Variants in ZPLD1 observed in about 807,000 individuals in gnomAD.
ZPLD1 encodes the protein zona pellucida like domain containing 1, also known as zona pellucida-like domain-containing protein 1.
Under a neutral mutation model 47.2 loss-of-function variants are expected in ZPLD1, and 34 were observed. The ratio of observed to expected loss-of-function variants is 0.72; its 90% CI spans 0.55 to 0.96. ZPLD1 has a LOEUF of 0.96. Among genes scored for constraint, ZPLD1 ranks in the 40% least tolerant of loss-of-function variants. ZPLD1 has a pLI of 0.00. For synonymous variants in ZPLD1, 176 were observed against 186.2 expected, an observed-to-expected ratio of 0.95 and a Z score of 0.45; for missense variants, 512 against 505.8, an observed-to-expected ratio of 1.01 and a Z score of -0.12.
chr3:102,474,766 T>G (rs574487727), intron 10 of ZPLD1, among the ~76,000 whole-genome samples: 1 of 152,322 alleles, frequency 6.6e-6, no homozygotes, highest in South Asian at 2.1e-4. Flanking sequence ...GCTATCACCT[T>G]TCTCCTATAG....
At chr3:102,472,622 T>C (rs1373219469) in intron 10 of ZPLD1, among the ~76,000 whole-genome samples, 2 of 152,156 alleles carry the variant, frequency 1.3e-5, no homozygotes, top group East Asian at 1.9e-4. Context: ...TAGAATTACA[T>C]TGAATGGAAA....
At chr3:102,462,257 G>C in intron 6 of ZPLD1, 24 bp from the exon 7 acceptor site, 1 of 1,492,254 alleles carries the variant, frequency 6.7e-7, no homozygotes. Flanking sequence ...GGTAATAATA[G>C]ATTTTTTATT....
chr3:102,472,399 G>A (rs965123334), intron 10 of ZPLD1, among the ~76,000 whole-genome samples: 1 of 152,130 alleles, frequency 6.6e-6, no homozygotes, highest in Non-Finnish European at 1.5e-5. Context: ...AGGTGTGGTG[G>A]CATATGCCTG....
chr3:102,393,098 A>C (rs1576122951), intron 7 of ZPLD1, among the ~76,000 whole-genome samples: 2 of 152,170 alleles, frequency 1.3e-5, no homozygotes, highest in African/African-American at 4.8e-5. Context: ...TTTTGTATTC[A>C]TATGTAATGT....
At chr3:102,398,842 T>C (rs936612460) in intron 7 of ZPLD1, among the ~76,000 whole-genome samples, 3 of 152,146 alleles carry the variant, frequency 2.0e-5, no homozygotes, top group Non-Finnish European at 2.9e-5. Flanking sequence ...ATATTTATAC[T>C]GCTGCTACTT....
chr3:102,434,249 A>G (rs1386856018), upstream of ZPLD1, among the ~76,000 whole-genome samples: 2 of 152,226 alleles, frequency 1.3e-5, no homozygotes, highest in Non-Finnish European at 2.9e-5. Flanking sequence ...AACAAAGATT[A>G]TTTTATATTA....
chr3:102,477,712 A>G lies in ZPLD1; in HGVS notation c.*94A>G, dbSNP rs1209863770. ...CCGTCTGAATTTCATGTCAGTCCAC[A>G]TTCAATATTTGTAGGTTTGATAAAT... On this transcript the variant is annotated 3_prime_UTR_variant, in exon 12 of 12. Transcript: ENST00000466937. The G allele has an allele frequency of 5.9e-6, 7 of 1,185,094 alleles. No individual in the cohort carries two copies. The highest frequency in any genetic ancestry group is 8.2e-6 in the Non-Finnish European group (7 of 855,440). 73.4% of individuals were successfully genotyped at this position (1,185,094 alleles called of 1,614,324 possible).
chr3:102,477,515 G>A lies in ZPLD1; in HGVS notation c.1145G>A (p.Gly382Glu), dbSNP rs960141195. The A allele has an allele frequency of 1.8e-5, 29 of 1,613,720 alleles. No individual in the cohort carries two copies. The highest frequency in any genetic ancestry group is 2.5e-5 in the Non-Finnish European group (29 of 1,179,794). ...CTGATATCAGGAATGGTCATTCTGG[G>A]AGTTACGAGCTTTTCTCTTCTTCTG... ...SALISGMVIL[G>E]VTSFSLLLCS... The change falls in exon 12 of 12, where the codon GGA becomes GAA. Residue 382 changes from glycine to glutamate, a missense_variant. By Grantham distance (98) the Gly-to-Glu change is moderately conservative. Coordinates refer to ENST00000466937, the MANE Select transcript of ZPLD1 (RefSeq NM_001329788.2).
chr3:102,394,075 A>G (rs1290493922), intron 7 of ZPLD1, among the ~76,000 whole-genome samples: 5 of 152,038 alleles, frequency 3.3e-5, no homozygotes, highest in African/African-American at 1.2e-4. Flanking sequence ...ACCTTTTAGA[A>G]CCCCCCATAC....
chr3:102,441,989 G>A (rs1442262511), intron 3 of ZPLD1, among the ~76,000 whole-genome samples: 1 of 152,108 alleles, frequency 6.6e-6, no homozygotes, highest in Non-Finnish European at 1.5e-5. Context: ...GGGACATAAG[G>A]CTACCATCTC....
chr3:102,449,657 A>G lies in ZPLD1; in HGVS notation c.107-3262A>G, dbSNP rs74576248. Among the ~76,000 whole-genome samples, 1,227 of 152,286 alleles carry G rather than the reference A, an allele frequency of 8.1e-3. 17 individuals carry two copies. Among genetic ancestry groups the G allele is most frequent in the African/African-American group, 0.028 (1,164 of 41,554 alleles). On this transcript the variant is annotated intron_variant, in intron 3 of 11. Transcript: ENST00000466937. ...TCTCAGCATTGCATTGCTGTGTTCA[A>G]GTAATCCTGATTTTACTTAATAATA...
At chr3:102,403,568 A>C (rs1312841122) in intron 7 of ZPLD1, among the ~76,000 whole-genome samples, 1 of 151,970 alleles carries the variant, frequency 6.6e-6, no homozygotes, top group African/African-American at 2.4e-5. Flanking sequence ...AAGTGAGAAA[A>C]TATTAATTTT....
At chr3:102,473,471 C>G (rs1036896173) in intron 10 of ZPLD1, among the ~76,000 whole-genome samples, 10 of 152,172 alleles carry the variant, frequency 6.6e-5, no homozygotes, top group Admixed American at 2.0e-4. Context: ...TATTGCCCAA[C>G]ATGCTAGAGT....
chr3:102,423,111 C>G (rs1300221404), intron 8 of ZPLD1, among the ~76,000 whole-genome samples: 1 of 152,052 alleles, frequency 6.6e-6, no homozygotes, highest in Non-Finnish European at 1.5e-5. Flanking sequence ...TGTAAGGACT[C>G]TATCAAAGAA....
intron 10 of ZPLD1, among the ~76,000 whole-genome samples, chr3:102,471,818 C>A (rs1707690581): frequency 6.6e-6 from 1 of 152,128 alleles, no homozygotes; most frequent in African/African-American, 2.4e-5. Flanking sequence ...TAAGATATTT[C>A]TTCATTTTTA....
intron 7 of ZPLD1, among the ~76,000 whole-genome samples, chr3:102,409,725 C>A (rs575593016): frequency 1.1e-3 from 161 of 151,676 alleles, no homozygotes; most frequent in South Asian, 1.0e-3. Flanking sequence ...CCATTTTTTG[C>A]TGAAACAGTG....
chr3:102,403,411 C>T (rs1392439344), intron 7 of ZPLD1, among the ~76,000 whole-genome samples: 1 of 151,834 alleles, frequency 6.6e-6, no homozygotes, highest in East Asian at 1.9e-4. Context: ...CTTCTTGTAC[C>T]TCTTCAACAT....
rs1018141376 is a variant in ZPLD1 at position 102,479,239 on chromosome 3, A to G, written c.*1621A>G. On this transcript the variant is annotated 3_prime_UTR_variant, in exon 12 of 12. Coordinates refer to ENST00000466937, the MANE Select transcript of ZPLD1 (RefSeq NM_001329788.2). The stretch of plus-strand genomic sequence containing the variant: ...AAGCCAATCTACTCTTCCCTGTGTT[A>G]CTTTAAAATAACTTTGAAGTGACTA... The G allele has an allele frequency of 6.6e-6, 1 of 152,184 alleles. No individual in the cohort carries two copies. Among genetic ancestry groups the G allele is most frequent in the African/African-American group, 2.4e-5 (1 of 41,452 alleles). 9.4% of individuals were successfully genotyped at this position (152,184 alleles called of 1,614,324 possible).
rs754372985 is a variant in ZPLD1, at chr3:102,453,150, T to A, written c.327+11T>A. The stretch of plus-strand genomic sequence containing the variant: ...GGAAACAACCTGGTGGTAAGATTAG[T>A]GTGACATTGTGTGCTAGGTCTGGGG... On this transcript the variant is annotated intron_variant, in intron 4 of 11. Transcript: ENST00000466937. 1 of 1,609,214 alleles carries A rather than the reference T, an allele frequency of 6.2e-7. No homozygotes were observed. Among genetic ancestry groups the A allele is most frequent in the Non-Finnish European group, 8.5e-7 (1 of 1,175,768 alleles).
Sources: gnomAD v4.1 joint callset for allele counts (sites outside exome capture counted in the v4.1 genomes callset) on GRCh38, gnomAD v4.1.1 for gene constraint, MANE v1.5 for transcripts, NCBI Gene and HGNC (gene_info 2026-07-23, HGNC 2026-07-21) for gene names.